The following NCAM2 variants were observed in gnomAD, a reference collection of about 807,000 sequenced individuals.
NCAM2 encodes N-CAM-2.
Under a neutral mutation model 98.1 loss-of-function variants are expected in NCAM2, and 30 were observed. That is an observed-to-expected ratio of 0.31 (90% CI 0.23 to 0.41). The LOEUF is 0.41. Ranked by LOEUF, NCAM2 falls within the 10% of genes least tolerant of loss-of-function variation. The probability of loss-of-function intolerance (pLI) is 1.00; values close to 1 mark genes in which losing one functional copy is unlikely to be tolerated. For missense variants in NCAM2, 867 were observed against 1,005.8 expected (o/e 0.86, Z 1.87); for synonymous variants, 368 against 342.4 (o/e 1.07, Z -0.83).
chr21:21,163,060 C>T (rs561389644), intron 1 of NCAM2, among the ~76,000 whole-genome samples: 42 of 152,262 alleles, frequency 2.8e-4, no homozygotes, highest in African/African-American at 9.9e-4. Flanking sequence ...CTTTCATCCC[C>T]TTTTCTAAAT....
rs1465163804 is a variant in NCAM2 at position 21,539,513 on chromosome 21, A to C, written c.*1556A>C. ...GATAACCTGATGATTATTAAATGTA[A>C]AATTAAGGCAACTCATGAATATTTT... On this transcript the variant is annotated 3_prime_UTR_variant, in exon 18 of 18. Coordinates refer to ENST00000400546, the MANE Select transcript of NCAM2 (RefSeq NM_004540.5). The C allele has an allele frequency of 6.6e-6, 1 of 152,274 alleles. No homozygotes were observed. Among genetic ancestry groups the C allele is most frequent in the African/African-American group, 2.4e-5 (1 of 41,584 alleles). The allele number at this position is 152,274 out of a possible 1,614,324, so 9.4% of individuals were successfully genotyped here.
At chr21:21,259,730 A>G (rs2071819001) in intron 1 of NCAM2, among the ~76,000 whole-genome samples, 1 of 152,078 alleles carries the variant, frequency 6.6e-6, no homozygotes, top group Non-Finnish European at 1.5e-5. Context: ...ATGGATTGCT[A>G]CAAGAAGAAC....
At chr21:21,487,219 T>C (rs181320905) in intron 15 of NCAM2, among the ~76,000 whole-genome samples, 73 of 152,278 alleles carry the variant, frequency 4.8e-4, no homozygotes, top group African/African-American at 1.7e-3. Context: ...ACTGTTGTTA[T>C]ATGCAGCCAT....
chr21:21,031,672 A>C (rs1249628668), intron 1 of NCAM2, among the ~76,000 whole-genome samples: 1 of 152,202 alleles, frequency 6.6e-6, no homozygotes, highest in Non-Finnish European at 1.5e-5. Flanking sequence ...TTGATTTGAC[A>C]AGCAAATTAA....
intron 15 of NCAM2, among the ~76,000 whole-genome samples, chr21:21,501,351 G>A (rs1483230103): frequency 6.6e-6 from 1 of 151,784 alleles, no homozygotes; most frequent in African/African-American, 2.4e-5. Flanking sequence ...TTGCCATAAT[G>A]TTAACTATTA....
chr21:21,218,747 A>C (rs1048625132), intron 1 of NCAM2, among the ~76,000 whole-genome samples: 1 of 152,224 alleles, frequency 6.6e-6, no homozygotes, highest in Non-Finnish European at 1.5e-5. Flanking sequence ...CTGGCACTTT[A>C]ATTTTAACCT....
At chr21:21,290,659 A>G (rs1315380596) in intron 4 of NCAM2, among the ~76,000 whole-genome samples, 1 of 151,878 alleles carries the variant, frequency 6.6e-6, no homozygotes, top group African/African-American at 2.4e-5. Context: ...CACTATTTTC[A>G]CTTTGGGGGA....
At chr21:21,358,136 T>TC (rs1412968738) in intron 8 of NCAM2, among the ~76,000 whole-genome samples, 1 of 152,136 alleles carries the variant, frequency 6.6e-6, no homozygotes, top group Non-Finnish European at 1.5e-5. Context: ...GAAAATATTT[T>TC]CATTCGATGT....
At chr21:21,330,947 A>G (rs1368421820) in intron 6 of NCAM2, among the ~76,000 whole-genome samples, 1 of 152,034 alleles carries the variant, frequency 6.6e-6, no homozygotes, top group Non-Finnish European at 1.5e-5. Context: ...CCATCAGAGT[A>G]TTTCTCATAA....
chr21:21,033,985 A>G (rs899991939), intron 1 of NCAM2, among the ~76,000 whole-genome samples: 3 of 150,962 alleles, frequency 2.0e-5, no homozygotes, highest in South Asian at 2.1e-4. Context: ...GAAGTTTTAC[A>G]TATTAAAGTG....
intron 15 of NCAM2, among the ~76,000 whole-genome samples, chr21:21,496,222 GC>G (rs766631229): frequency 1.7e-4 from 26 of 151,846 alleles, no homozygotes; most frequent in Non-Finnish European, 3.7e-4. Flanking sequence ...GGACTAAGTT[GC>G]ATTCCCATCA....
At chr21:21,018,712 G>A (rs1465292985) in intron 1 of NCAM2, among the ~76,000 whole-genome samples, 2 of 152,122 alleles carry the variant, frequency 1.3e-5, no homozygotes, top group African/African-American at 4.8e-5. Flanking sequence ...TTCATATAAA[G>A]CATTTCCATA....
intron 1 of NCAM2, among the ~76,000 whole-genome samples, chr21:21,237,584 G>A (rs1373619712): frequency 6.6e-6 from 1 of 151,948 alleles, no homozygotes; most frequent in Non-Finnish European, 1.5e-5. Flanking sequence ...CCCAGATTAA[G>A]AATTTCTATT....
intron 1 of NCAM2, among the ~76,000 whole-genome samples, chr21:21,011,174 A>G (rs1488681521): frequency 1.3e-5 from 2 of 151,340 alleles, no homozygotes; most frequent in Admixed American, 6.6e-5. Flanking sequence ...CTTTTTTTCC[A>G]TAGGGATTAC....
At position 21,155,795 on chromosome 21, in the gene NCAM2, A is replaced by G. The variant is rs140215534; in HGVS notation, c.56-124783A>G. Among the ~76,000 whole-genome samples, 632 of 152,072 alleles carry G rather than the reference A, an allele frequency of 4.2e-3. 8 individuals are homozygous for G. Among genetic ancestry groups the G allele is most frequent in the African/African-American group, 0.015 (607 of 41,520 alleles). On this transcript the variant is annotated intron_variant, in intron 1 of 17. Transcript: ENST00000400546. ...ACAAATTAAATGAGATACTGATTCTACTCTATACAACCATGGGAGCAAGTT... is the reference window on the plus strand; with the variant it reads ...ACAAATTAAATGAGATACTGATTCTGCTCTATACAACCATGGGAGCAAGTT...
intron 1 of NCAM2, among the ~76,000 whole-genome samples, chr21:21,265,877 C>G (rs1234404833): frequency 1.3e-5 from 2 of 152,046 alleles, no homozygotes; most frequent in Middle Eastern, 3.4e-3. Context: ...ATGTAACAAA[C>G]CTGCACATGT....
chr21:21,153,540 A>G (rs1482638149), intron 1 of NCAM2, among the ~76,000 whole-genome samples: 2 of 151,958 alleles, frequency 1.3e-5, no homozygotes, highest in Non-Finnish European at 2.9e-5. Flanking sequence ...CGTTTGGAGG[A>G]GAAAGAAATC....
intron 1 of NCAM2, among the ~76,000 whole-genome samples, chr21:21,263,434 C>T (rs2071999874): frequency 6.6e-6 from 1 of 152,006 alleles, no homozygotes; most frequent in African/African-American, 2.4e-5. Context: ...AATAACAATA[C>T]TTTCCAAAGT....
At chr21:21,441,829 C>T (rs528833633) in intron 12 of NCAM2, among the ~76,000 whole-genome samples, 1 of 151,998 alleles carries the variant, frequency 6.6e-6, no homozygotes. Flanking sequence ...AAGAGGTCAG[C>T]ATGGTTGCAC....
Sources: allele counts gnomAD v4.1 joint callset (sites outside exome capture counted in the v4.1 genomes callset), GRCh38; gene constraint gnomAD v4.1.1; transcripts MANE v1.5; gene names NCBI Gene and HGNC (gene_info 2026-07-23, HGNC 2026-07-21).